CNBD2: variants seen among roughly 807,000 people sequenced by gnomAD.
CNBD2 encodes cyclic nucleotide-binding domain-containing protein 2.
CNBD2 carries 64 observed loss-of-function variants against 63.7 expected under a neutral mutation model. The observed-to-expected ratio is 1.00, with a 90% confidence interval of 0.82 to 1.24. CNBD2 has a LOEUF of 1.24. Among genes scored for constraint, CNBD2 ranks in the 50% most tolerant of loss-of-function variants. The probability of loss-of-function intolerance (pLI) is 0.00; values close to 1 mark genes in which losing one functional copy is unlikely to be tolerated. For missense variants in CNBD2, 691 were observed against 713.5 expected (o/e 0.97, Z 0.36); for synonymous variants, 229 against 255.4 (o/e 0.90, Z 0.99).
rs368193674 is a variant in CNBD2, at chr20:35,984,610, C to T, written c.565-17C>T. 1.6e-4 allele frequency: 258 copies of T among 1,612,896 alleles called. 1 individual carries two copies. The highest frequency in any genetic ancestry group is 2.1e-4 in the Non-Finnish European group (246 of 1,179,448). On this transcript the variant is annotated splice_polypyrimidine_tract_variant and intron_variant, in intron 5 of 11. Coordinates refer to ENST00000373973, the MANE Select transcript of CNBD2 (RefSeq NM_001365709.1). ...GGAGGTGGCCTCACACTTGCCCTTG[C>T]CCTGTCCACCCAACAGGAAATGGAC...
At chr20:35,987,797 A>C (rs987677272) in intron 7 of CNBD2, among the ~76,000 whole-genome samples, 1 of 152,190 alleles carries the variant, frequency 6.6e-6, no homozygotes, top group Non-Finnish European at 1.5e-5. Flanking sequence ...TTACATATAG[A>C]TGCATATTTA....
chr20:36,017,791 GCCTTCCAGC>G (rs2057154837), intron 10 of CNBD2, among the ~76,000 whole-genome samples: 1 of 152,128 alleles, frequency 6.6e-6, no homozygotes, highest in South Asian at 2.1e-4. Context: ...GTAATTTCCA[GCCTTCCAGC>G]CTATTGCTCC....
intron 10 of CNBD2, among the ~76,000 whole-genome samples, chr20:36,011,926 A>T (rs1601089258): frequency 6.6e-6 from 1 of 152,028 alleles, no homozygotes; most frequent in African/African-American, 2.4e-5. Context: ...GGGAGGCTGA[A>T]GCGGGCGAAT....
chr20:35,976,012 G>A lies in CNBD2; in HGVS notation c.243+10G>A. The A allele has an allele frequency of 6.2e-7, 1 of 1,602,248 alleles. No homozygotes were observed. The highest frequency in any genetic ancestry group is 1.1e-5 in the South Asian group (1 of 90,384). ...CTTCATTGCAGAGGAGGTATGCATA[G>A]CTCGAAACTTGCTGTGGGGGAATTT... On this transcript the variant is annotated intron_variant, in intron 3 of 11. Transcript: ENST00000373973.
chr20:35,965,174 C>T (rs539397243), upstream of CNBD2, among the ~76,000 whole-genome samples: 291 of 151,378 alleles, frequency 1.9e-3, no homozygotes, highest in African/African-American at 6.8e-3. Context: ...CTTCTCTCTC[C>T]CTCTCTCTCT....
chr20:36,001,657 G>A (rs1243427290), intron 8 of CNBD2, among the ~76,000 whole-genome samples: 3 of 142,980 alleles, frequency 2.1e-5, no homozygotes, highest in Admixed American at 1.4e-4. Context: ...GTTGCCAGGC[G>A]GAGGGTCTCC....
chr20:35,958,058 G>T (rs750791310), downstream of CNBD2, among the ~76,000 whole-genome samples: 5 of 152,232 alleles, frequency 3.3e-5, no homozygotes, highest in Non-Finnish European at 7.3e-5. Context: ...GCACTTGGTT[G>T]TTGAGGGTTG....
At chr20:35,970,027 A>T (rs1433881673) in intron 1 of CNBD2, among the ~76,000 whole-genome samples, 2 of 152,236 alleles carry the variant, frequency 1.3e-5, no homozygotes, top group Non-Finnish European at 2.9e-5. Flanking sequence ...ATGAAGGCTC[A>T]TGCCTGTAAT....
Position 35,985,646 on chromosome 20 carries a change from C to T in CNBD2, c.716+868C>T, listed in dbSNP as rs1383280078. ...AATTACAGTCATACACCATCACTCC[C>T]AGCTAACTTTTTTGTATTTTTAGTA... is the stretch of plus-strand genomic sequence containing the variant. On this transcript the variant is annotated intron_variant, in intron 6 of 11. Coordinates refer to ENST00000373973, the MANE Select transcript of CNBD2 (RefSeq NM_001365709.1). Among the ~76,000 whole-genome samples, 38 of 151,974 alleles carry T rather than the reference C, an allele frequency of 2.5e-4. 1 individual carries two copies. Among genetic ancestry groups the T allele is most frequent in the Admixed American group, 2.5e-3 (38 of 15,260 alleles).
intron 8 of CNBD2, among the ~76,000 whole-genome samples, chr20:35,997,499 G>C (rs2056841695): frequency 6.6e-6 from 1 of 152,220 alleles, no homozygotes; most frequent in African/African-American, 2.4e-5. Flanking sequence ...ATGGTTAGCA[G>C]CATAGGCTTG....
upstream of CNBD2, among the ~76,000 whole-genome samples, chr20:35,967,724 A>G (rs1416893111): frequency 1.3e-5 from 2 of 152,002 alleles, no homozygotes; most frequent in Non-Finnish European, 2.9e-5. Context: ...ATGGTGGCAC[A>G]CGCCTGTAAT....
At chr20:35,984,921 TTC>T in intron 6 of CNBD2, 143 bp downstream of exon 6, 2 of 765,194 alleles carry the variant, frequency 2.6e-6, no homozygotes, top group Non-Finnish European at 4.4e-6. Flanking sequence ...CGTACCCACC[TTC>T]TCTCTCTGCA....
At chr20:35,991,675 A>G (rs1363894306) in intron 7 of CNBD2, among the ~76,000 whole-genome samples, 1 of 152,216 alleles carries the variant, frequency 6.6e-6, no homozygotes, top group African/African-American at 2.4e-5. Context: ...TCTGACTGGC[A>G]GAAAGCGGGG....
At chr20:36,003,710 T>G (rs2056946773) in intron 8 of CNBD2, among the ~76,000 whole-genome samples, 1 of 152,102 alleles carries the variant, frequency 6.6e-6, no homozygotes, top group African/African-American at 2.4e-5. Context: ...ATAACAGACA[T>G]TTACTTCTCC....
intron 7 of CNBD2, among the ~76,000 whole-genome samples, chr20:35,990,390 G>T (rs2056729017): frequency 6.6e-6 from 1 of 152,224 alleles, no homozygotes; most frequent in Non-Finnish European, 1.5e-5. Context: ...TAGCACTTTG[G>T]AAGGCTGAGA....
chr20:35,964,283 C>T (rs140738645), upstream of CNBD2, among the ~76,000 whole-genome samples: 689 of 151,808 alleles, frequency 4.5e-3, 1 homozygote, highest in African/African-American at 0.016. Flanking sequence ...TGGGTTCAAG[C>T]GATTCTCCTG....
chr20:35,995,937 C>T (rs1384650531), intron 8 of CNBD2, among the ~76,000 whole-genome samples: 2 of 152,204 alleles, frequency 1.3e-5, no homozygotes, highest in Non-Finnish European at 2.9e-5. Context: ...GGGGCTGCAT[C>T]TGGTGAAGGA....
At chr20:35,965,640 G>C (rs2056340124), upstream of CNBD2, among the ~76,000 whole-genome samples, 1 of 152,236 alleles carries the variant, frequency 6.6e-6, no homozygotes, top group Non-Finnish European at 1.5e-5. Flanking sequence ...ATAAAATCAG[G>C]AACTGTAAGA....
intron 10 of CNBD2, among the ~76,000 whole-genome samples, chr20:36,016,705 C>T (rs1277412495): frequency 6.6e-6 from 1 of 151,120 alleles, no homozygotes; most frequent in Admixed American, 6.6e-5. Context: ...AGGAGAATCG[C>T]TTGAACCCAG....
Sources: allele counts gnomAD v4.1 joint callset (sites outside exome capture counted in the v4.1 genomes callset), GRCh38; gene constraint gnomAD v4.1.1; transcripts MANE v1.5; gene names NCBI Gene and HGNC (gene_info 2026-07-23, HGNC 2026-07-21).